The following NXPE2 variants were observed in gnomAD, a reference collection of about 807,000 sequenced individuals.
NXPE2 encodes the protein NXPE family member 2.
Under a neutral mutation model 34.4 loss-of-function variants are expected in NXPE2, and 34 were observed. That is an observed-to-expected ratio of 0.99 (90% confidence interval 0.75 to 1.31). NXPE2 has a LOEUF of 1.31. Ranked by LOEUF, NXPE2 falls within the 40% of genes most tolerant of loss-of-function variation. The probability of loss-of-function intolerance (pLI) is 0.00; values close to 1 mark genes in which losing one functional copy is unlikely to be tolerated. For missense variants in NXPE2, 649 were observed against 672.5 expected, an observed-to-expected ratio of 0.97 and a Z score of 0.39; for synonymous variants, 235 against 231.3, an observed-to-expected ratio of 1.02 and a Z score of -0.15.
the NXPE2 span, among the ~76,000 whole-genome samples, chr11:114,779,719 A>G: frequency 6.6e-6 from 1 of 152,094 alleles, no homozygotes; most frequent in Non-Finnish European, 1.5e-5. Flanking sequence ...AGCAGAAGGA[A>G]AAATCAAGAC....
the NXPE2 span, among the ~76,000 whole-genome samples, chr11:114,522,711 A>G: frequency 8.5e-5 from 13 of 152,246 alleles, no homozygotes; most frequent in East Asian, 7.7e-4. Context: ...AAGAAGACCA[A>G]CATTTCTTAT....
chr11:114,601,699 ATTCT>A, the NXPE2 span, among the ~76,000 whole-genome samples: 29 of 71,396 alleles, frequency 4.1e-4, 3 homozygotes, highest in African/African-American at 1.4e-3. Flanking sequence ...TATATTTATA[ATTCT>A]TTATATATTA....
the NXPE2 span, among the ~76,000 whole-genome samples, chr11:114,498,979 C>A: frequency 6.6e-6 from 1 of 152,096 alleles, no homozygotes; most frequent in Non-Finnish European, 1.5e-5. Context: ...TTCCTTGAAG[C>A]TTCAATAGGA....
the NXPE2 span, among the ~76,000 whole-genome samples, chr11:114,495,294 C>A: frequency 3.9e-5 from 6 of 152,038 alleles, no homozygotes; most frequent in African/African-American, 1.4e-4. Flanking sequence ...TACGTCCTTC[C>A]TCACAGGGCA....
the NXPE2 span, among the ~76,000 whole-genome samples, chr11:114,753,342 G>A: frequency 2.0e-5 from 3 of 152,138 alleles, no homozygotes; most frequent in Non-Finnish European, 4.4e-5. Context: ...GCAGTGAGTC[G>A]TGATTGCTCT....
At chr11:114,692,895 T>C (rs564655733) in intron 2 of NXPE2, among the ~76,000 whole-genome samples, 2 of 152,258 alleles carry the variant, frequency 1.3e-5, no homozygotes, top group South Asian at 4.2e-4. Flanking sequence ...GCAACAACTA[T>C]CTACTTTCTA....
the NXPE2 span, among the ~76,000 whole-genome samples, chr11:114,601,612 A>G: frequency 4.8e-4 from 1 of 2,082 alleles, no homozygotes; most frequent in South Asian, 0.011. Flanking sequence ...ATTATATATA[A>G]TTATATATTA....
chr11:114,685,248 G>A (rs74788381), intron 2 of NXPE2, among the ~76,000 whole-genome samples: 1,955 of 152,200 alleles, frequency 0.013, 33 homozygotes, highest in South Asian at 0.025. Flanking sequence ...TACCACTGAC[G>A]GAATGGCTTA....
the NXPE2 span, among the ~76,000 whole-genome samples, chr11:114,812,084 G>C: frequency 6.6e-6 from 1 of 152,204 alleles, no homozygotes; most frequent in Non-Finnish European, 1.5e-5. Context: ...CCAGATTAGC[G>C]TTGAGAGCAA....
chr11:114,767,404 T>C, the NXPE2 span, among the ~76,000 whole-genome samples: 1 of 152,164 alleles, frequency 6.6e-6, no homozygotes, highest in Non-Finnish European at 1.5e-5. Flanking sequence ...TTTTGTTAAA[T>C]TGATTCAAAG....
chr11:114,751,852 G>T, the NXPE2 span, among the ~76,000 whole-genome samples: 16,377 of 152,124 alleles, frequency 0.11, 1,001 homozygotes, highest in Middle Eastern at 0.16. Context: ...AATGGCAGGG[G>T]GGTTAGAGTC....
chr11:114,622,086 A>G, the NXPE2 span, among the ~76,000 whole-genome samples: 1 of 152,082 alleles, frequency 6.6e-6, no homozygotes, highest in East Asian at 1.9e-4. Context: ...CTGGTGGATA[A>G]TAAGTACTGC....
the NXPE2 span, among the ~76,000 whole-genome samples, chr11:114,612,518 G>A: frequency 2.6e-5 from 4 of 151,712 alleles, no homozygotes; most frequent in Non-Finnish European, 5.9e-5. Context: ...TTCCTCGGGG[G>A]TAACCACTGT....
chr11:114,584,568 A>G, the NXPE2 span: 4,755 of 165,434 alleles, frequency 0.029, 266 homozygotes, highest in African/African-American at 0.11. Context: ...CATCTTCAAA[A>G]AAGCCAAGAG....
At chr11:114,624,180 T>A in the NXPE2 span, among the ~76,000 whole-genome samples, 10 of 151,944 alleles carry the variant, frequency 6.6e-5, no homozygotes, top group Admixed American at 6.6e-4. Context: ...TGGTAGATAA[T>A]AACTATTGCC....
the NXPE2 span, chr11:114,551,220 G>T: frequency 6.7e-7 from 1 of 1,491,016 alleles, no homozygotes; most frequent in Non-Finnish European, 9.0e-7. Context: ...TCCTAGGAGA[G>T]ATGACACAAG....
At chr11:114,513,308 A>G in the NXPE2 span, 2 of 454,388 alleles carry the variant, frequency 4.4e-6, no homozygotes, top group Admixed American at 2.6e-5. Flanking sequence ...TCTGGGTGGG[A>G]TCAGCTGGTC....
At chr11:114,666,038 C>G in the NXPE2 span, among the ~76,000 whole-genome samples, 1 of 152,108 alleles carries the variant, frequency 6.6e-6, no homozygotes. Context: ...TATCCTGCAT[C>G]TTATGAGAAT....
the NXPE2 span, among the ~76,000 whole-genome samples, chr11:114,769,776 A>G: frequency 6.6e-6 from 1 of 150,814 alleles, no homozygotes; most frequent in East Asian, 1.9e-4. Context: ...AAACACATGG[A>G]CACAGGGAGG....
Sources: allele counts gnomAD v4.1 joint callset (sites outside exome capture counted in the v4.1 genomes callset), GRCh38; gene constraint gnomAD v4.1.1; transcripts MANE v1.5; gene names NCBI Gene and HGNC (gene_info 2026-07-23, HGNC 2026-07-21).